The following PPIP5K2 variants were observed in gnomAD, a reference collection of about 807,000 sequenced individuals.
PPIP5K2 encodes the protein diphosphoinositol pentakisphosphate kinase 2, also known as inositol hexakisphosphate and diphosphoinositol-pentakisphosphate kinase 2.
PPIP5K2 carries 105 observed loss-of-function variants against 154.6 expected under a neutral mutation model. That is an observed-to-expected ratio of 0.68 (90% CI 0.58 to 0.80). The LOEUF is 0.80. Ranked by LOEUF, PPIP5K2 falls within the 30% of genes least tolerant of loss-of-function variation. The probability of loss-of-function intolerance (pLI) is 0.00; values close to 1 mark genes in which losing one functional copy is unlikely to be tolerated. For synonymous variants in PPIP5K2, 480 were observed against 490.3 expected, an observed-to-expected ratio of 0.98 and a Z score of 0.28; for missense variants, 992 against 1,504.6, an observed-to-expected ratio of 0.66 and a Z score of 5.64.
chr5:103,202,286 G>A lies in PPIP5K2; in HGVS notation c.*652G>A, dbSNP rs2149868151. On this transcript the variant is annotated 3_prime_UTR_variant, in exon 31 of 31. Coordinates refer to ENST00000358359, the MANE Select transcript of PPIP5K2 (RefSeq NM_001276277.3). ...TGCACATAGATTTATATATTAATTT[G>A]TAGAAAATATTTTCTTTATATATTT... 6.6e-6 allele frequency: 1 copy of A among 152,586 alleles called. No homozygotes were observed. Among genetic ancestry groups the A allele is most frequent in the Middle Eastern group, 3.4e-3 (1 of 294 alleles). The allele number at this position is 152,586 out of a possible 1,614,324, so 9.5% of individuals were successfully genotyped here.
At chr5:103,149,446 T>A (rs1583298858) in intron 8 of PPIP5K2, 133 bp downstream of exon 8, 1 of 749,484 alleles carries the variant, frequency 1.3e-6, no homozygotes, top group Non-Finnish European at 2.0e-6. Context: ...ATGGTTCATG[T>A]ACTTTTCAAG....
chr5:103,209,413 A>T lies in PPIP5K2; in HGVS notation c.*7779A>T, dbSNP rs1554232462. ...CCCAAAGCAGTGTTTAAAAAAAAAA[A>T]GTATTTAAATAAAATCAAGGATACC... On this transcript the variant is annotated 3_prime_UTR_variant, in exon 31 of 31. Coordinates refer to ENST00000358359, the MANE Select transcript of PPIP5K2 (RefSeq NM_001276277.3). 1.3e-5 allele frequency: 2 copies of T among 152,114 alleles called. No homozygotes were observed. The highest frequency in any genetic ancestry group is 3.8e-4 in the East Asian group (2 of 5,198). The allele number at this position is 152,114 out of a possible 1,614,324, so 9.4% of individuals were successfully genotyped here. A position where few individuals can be genotyped will look rare whatever the true frequency, so the allele number is the denominator to read the frequency against.
intron 17 of PPIP5K2, among the ~76,000 whole-genome samples, chr5:103,162,913 A>G (rs1351275658): frequency 6.6e-6 from 1 of 152,078 alleles, no homozygotes; most frequent in Non-Finnish European, 1.5e-5. Flanking sequence ...GCAACTATAT[A>G]TACATCTGGG....
chr5:103,140,149 T>TAAAAAAAA (rs5870043), intron 5 of PPIP5K2, among the ~76,000 whole-genome samples: 1 of 145,684 alleles, frequency 6.9e-6, no homozygotes, highest in African/African-American at 2.5e-5. Flanking sequence ...GGGAAAATGT[T>TAAAAAAAA]AAAAAAAAAA....
intron 29 of PPIP5K2, 161 bp from the exon 30 acceptor site, chr5:103,194,738 CT>C (rs376866253): frequency 1.5e-6 from 1 of 674,498 alleles, no homozygotes; most frequent in African/African-American, 1.8e-5. Context: ...ACAGAACTAT[CT>C]TTTTATTAAA....
At chr5:103,151,485 G>A (rs1461315124) in intron 9 of PPIP5K2, 111 bp downstream of exon 9, 6 of 894,260 alleles carry the variant, frequency 6.7e-6, no homozygotes, top group South Asian at 1.9e-5. Context: ...GTAAAGATCA[G>A]TGTTCATAAA....
Position 103,168,134 on chromosome 5 carries a change from A to T in PPIP5K2, c.2125A>T (p.Lys709Ter). The T allele has an allele frequency of 6.2e-7, 1 of 1,610,650 alleles. No individual in the cohort carries two copies. Among genetic ancestry groups the T allele is most frequent in the Non-Finnish European group, 8.5e-7 (1 of 1,177,620 alleles). The stretch of plus-strand genomic sequence containing the variant: ...GCTACGTAGATGGTCCAAGTTAGAG[A>T]AAGACTTTAAAACAAAGAATGGAAG... ...LMLRRWSKLEKDFKTKNGRYD... is the reference protein window; with the variant it reads ...LMLRRWSKLE The change falls in exon 19 of 31, where the codon AAA becomes TAA. Residue 709 changes from lysine (K) to a stop codon, truncating the protein, a stop_gained. Transcript: ENST00000358359. LOFTEE classifies it high-confidence loss of function.
rs782374976 is a variant in PPIP5K2, at chr5:103,146,689, C to T, written c.642+8C>T. On this transcript the variant is annotated splice_region_variant and intron_variant, in intron 6 of 30. Coordinates refer to ENST00000358359, the MANE Select transcript of PPIP5K2 (RefSeq NM_001276277.3). ...CAAAGACTCTTTAGAAAGGTAACAC[C>T]TTTGTAACTTTTGTATGAATACTCT... The T allele has an allele frequency of 2.5e-6, 4 of 1,596,760 alleles. No homozygotes were observed. Among genetic ancestry groups the T allele is most frequent in the South Asian group, 2.2e-5 (2 of 89,070 alleles).
Position 103,177,898 on chromosome 5 carries a change from T to A in PPIP5K2, c.2672T>A (p.Leu891Ter), listed in dbSNP as rs1554221500. The change falls in exon 23 of 31, where the codon TTA (leucine) becomes TAA (stop). Residue 891 changes from leucine (L) to a stop codon, truncating the protein, a stop_gained. Transcript: ENST00000358359. LOFTEE classifies it high-confidence loss of function. ...TCAGAAGAACGCTTTCATGTTGAAT[T>A]ACACTTTAGTCCGGGAGCCAAAGGT... ...LSSEERFHVELHFSPGAKGCE... is the reference protein window; with the variant it reads ...LSSEERFHVE 1 of 1,613,288 alleles carries A rather than the reference T, an allele frequency of 6.2e-7. No individual in the cohort carries two copies. The highest frequency in any genetic ancestry group is 8.5e-7 in the Non-Finnish European group (1 of 1,179,386).
intron 1 of PPIP5K2, among the ~76,000 whole-genome samples, chr5:103,127,785 C>T (rs1789943471): frequency 6.6e-6 from 1 of 152,084 alleles, no homozygotes; most frequent in African/African-American, 2.4e-5. Context: ...CAGAACATTC[C>T]CCTTCCATTA....
intron 21 of PPIP5K2, 118 bp downstream of exon 21, chr5:103,174,090 T>A (rs1329182410): frequency 1.3e-6 from 1 of 781,402 alleles, no homozygotes. Flanking sequence ...CTACTTAATG[T>A]CGTCTTTCAA....
chr5:103,165,614 G>A (rs933013508), intron 17 of PPIP5K2, among the ~76,000 whole-genome samples: 5 of 152,040 alleles, frequency 3.3e-5, no homozygotes, highest in Admixed American at 6.6e-5. Flanking sequence ...GCAAATTTAT[G>A]GTGAAGCTTA....
intron 19 of PPIP5K2, among the ~76,000 whole-genome samples, chr5:103,170,992 T>G (rs551614458): frequency 6.6e-6 from 1 of 151,656 alleles, no homozygotes; most frequent in African/African-American, 2.4e-5. Flanking sequence ...ATACATATGT[T>G]CTGGTGTACT....
chr5:103,157,815 C>T (rs1333020032), intron 14 of PPIP5K2, among the ~76,000 whole-genome samples: 1 of 152,108 alleles, frequency 6.6e-6, no homozygotes, highest in African/African-American at 2.4e-5. Context: ...AACCTGGATT[C>T]GGGCATCAAG....
chr5:103,177,902 C>T lies in PPIP5K2; in HGVS notation c.2676C>T (p.His892=), dbSNP rs782553619. ...SSEERFHVEL[H]FSPGAKGCEE... is the part of the protein sequence containing the mutation. The stretch of plus-strand genomic sequence containing the variant: ...AAGAACGCTTTCATGTTGAATTACA[C>T]TTTAGTCCGGGAGCCAAAGGTTGTG... The change falls in exon 23 of 31, where the codon CAC becomes CAT. Residue 892 remains histidine, a synonymous_variant. Coordinates refer to ENST00000358359, the MANE Select transcript of PPIP5K2 (RefSeq NM_001276277.3). The T allele has an allele frequency of 3.1e-6, 5 of 1,613,262 alleles. No individual in the cohort carries two copies. The highest frequency in any genetic ancestry group is 4.2e-6 in the Non-Finnish European group (5 of 1,179,402).
At position 103,206,470 on chromosome 5, in the gene PPIP5K2, G is replaced by C. The variant is rs1205896525; in HGVS notation, c.*4836G>C. 5 of 152,118 alleles carry C rather than the reference G, an allele frequency of 3.3e-5. No individual in the cohort carries two copies. Among genetic ancestry groups the C allele is most frequent in the African/African-American group, 1.2e-4 (5 of 41,412 alleles). The allele number at this position is 152,118 out of a possible 1,614,324, so 9.4% of individuals were successfully genotyped here. A position where few individuals can be genotyped will look rare whatever the true frequency, so the allele number is the denominator to read the frequency against. Reference sequence around the variant, plus strand: ...ACCCCTAGATAAATAGAATACTCCAGGAGATTCCCATGACCTTACTGACCC... The same window carrying C: ...ACCCCTAGATAAATAGAATACTCCACGAGATTCCCATGACCTTACTGACCC... On this transcript the variant is annotated 3_prime_UTR_variant, in exon 31 of 31. Transcript: ENST00000358359.
chr5:103,164,696 C>T (rs555000156), intron 17 of PPIP5K2, among the ~76,000 whole-genome samples: 78 of 152,050 alleles, frequency 5.1e-4, no homozygotes, highest in African/African-American at 1.9e-3. Context: ...ATTCTTTGCC[C>T]AGAATTTTTA....
At chr5:103,128,290 A>G (rs1321352853) in intron 1 of PPIP5K2, among the ~76,000 whole-genome samples, 1 of 152,198 alleles carries the variant, frequency 6.6e-6, no homozygotes, top group Non-Finnish European at 1.5e-5. Flanking sequence ...ATGTAGTTTC[A>G]TCTTGGTATA....
chr5:103,146,115 T>C (rs782627717), intron 5 of PPIP5K2, among the ~76,000 whole-genome samples: 29 of 152,086 alleles, frequency 1.9e-4, no homozygotes, highest in South Asian at 1.7e-3. Context: ...AACTTTCTAA[T>C]TGAATTGCTG....
Sources: gnomAD v4.1 joint callset for allele counts (sites outside exome capture counted in the v4.1 genomes callset) on GRCh38, gnomAD v4.1.1 for gene constraint, MANE v1.5 for transcripts, NCBI Gene and HGNC (gene_info 2026-07-23, HGNC 2026-07-21) for gene names.